PCDHGB6: variants seen among roughly 807,000 people sequenced by gnomAD.
The protein encoded by PCDHGB6 is protocadherin gamma-B6.
PCDHGB6 carries 51 observed loss-of-function variants against 59.1 expected under a neutral mutation model. That is an observed-to-expected ratio of 0.86 (90% CI 0.69 to 1.09). The LOEUF (loss-of-function observed/expected upper bound fraction) is 1.09, where lower values mean the gene tolerates loss of function less well. Among genes scored for constraint, PCDHGB6 ranks in the 50% least tolerant of loss-of-function variants. The pLI, the probability that PCDHGB6 is intolerant of heterozygous loss-of-function variation, is 0.00. For synonymous variants in PCDHGB6, 466 were observed against 495.1 expected (o/e 0.94, Z 0.78); for missense variants, 1,148 against 1,205.1 (o/e 0.95, Z 0.70).
At chr5:141,419,394 G>A (rs778450240) in intron 1 of PCDHGB6, 2 of 1,613,612 alleles carry the variant, frequency 1.2e-6, no homozygotes, top group East Asian at 2.2e-5. Flanking sequence ...GCGCAGAGCG[G>A]GGTGGTGTTC....
chr5:141,477,265 G>A lies in PCDHGB6; in HGVS notation c.2419-17542G>A. The A allele has an allele frequency of 6.2e-7, 1 of 1,614,198 alleles. No individual in the cohort carries two copies. Among genetic ancestry groups the A allele is most frequent in the African/African-American group, 1.3e-5 (1 of 75,048 alleles). On this transcript the variant is annotated intron_variant, in intron 1 of 3. Transcript: ENST00000520790. The surrounding 1 kb of genome is among the most constrained non-coding windows in gnomAD (Gnocchi z 4.9). ...GTGTGACTGACCTGGATGCTGGCGA[G>A]AACGGGCTGGTGACCTGCGAAGTTC...
Position 141,477,143 on chromosome 5 carries a change from G to A in PCDHGB6, c.2419-17664G>A. Reference sequence around the variant, plus strand: ...ACATTGCAAAGTGTTGGTGGAGGTTGTGGATGTGAATGACAACGCCCCGGA... The same window carrying A: ...ACATTGCAAAGTGTTGGTGGAGGTTATGGATGTGAATGACAACGCCCCGGA... On this transcript the variant is annotated intron_variant, in intron 1 of 3. Transcript: ENST00000520790. This position sits in a 1 kb window ranked among gnomAD's most constrained non-coding sequence, Gnocchi z 4.9. 6.2e-7 allele frequency: 1 copy of A among 1,614,198 alleles called. No individual in the cohort carries two copies. Among genetic ancestry groups the A allele is most frequent in the Non-Finnish European group, 8.5e-7 (1 of 1,180,036 alleles).
chr5:141,409,926 T>G lies in PCDHGB6; in HGVS notation c.1724T>G (p.Phe575Cys). The stretch of plus-strand genomic sequence containing the variant: ...CTGGGTCCTGACGGCTCCGCGTTCT[T>G]CGATATGGTACCTCGCTCTGCAGAG... ...PALGPDGSAFFDMVPRSAEPG... is the reference protein window; with the variant it reads ...PALGPDGSAFCDMVPRSAEPG... The change falls in exon 1 of 4, where the codon TTC (phenylalanine) becomes TGC (cysteine). Residue 575 changes from phenylalanine to cysteine, a missense_variant. This residue lies in a region of PCDHGB6 where 549 missense variants were observed against 527.5 expected (regional missense o/e 1.04). Transcript: ENST00000520790. The G allele has an allele frequency of 6.2e-7, 1 of 1,613,344 alleles. No homozygotes were observed. Among genetic ancestry groups the G allele is most frequent in the Non-Finnish European group, 8.5e-7 (1 of 1,179,784 alleles).
intron 3 of PCDHGB6, among the ~76,000 whole-genome samples, chr5:141,506,402 G>A (rs1032556978): frequency 2.8e-5 from 4 of 143,790 alleles, no homozygotes; most frequent in East Asian, 2.0e-4. Flanking sequence ...GCAGAAAATC[G>A]CACCACTGCA....
At chr5:141,419,114 A>G in intron 1 of PCDHGB6, 1 of 1,613,926 alleles carries the variant, frequency 6.2e-7, no homozygotes. Flanking sequence ...CCCAGAGTAC[A>G]ACGTCACCAT....
At chr5:141,455,159 G>GT (rs1390145608) in intron 1 of PCDHGB6, among the ~76,000 whole-genome samples, 2,419 of 144,948 alleles carry the variant, frequency 0.017, 50 homozygotes, top group African/African-American at 0.056. Context: ...TTAGTTTGTT[G>GT]GTTTTTTTTT....
At chr5:141,474,426 C>T (rs2099349464) in intron 1 of PCDHGB6, among the ~76,000 whole-genome samples, 1 of 152,198 alleles carries the variant, frequency 6.6e-6, no homozygotes, top group Non-Finnish European at 1.5e-5. Context: ...ACCATTGGTC[C>T]TCACACTTTG....
At position 141,476,409 on chromosome 5, in the gene PCDHGB6, G is replaced by A. The variant is rs1226666958; in HGVS notation, c.2419-18398G>A. The A allele has an allele frequency of 6.2e-7, 1 of 1,614,154 alleles. No homozygotes were observed. The highest frequency in any genetic ancestry group is 1.7e-5 in the Admixed American group (1 of 60,030). ...GACCGTCTGGATCGAGAGGAGCTGT[G>A]TGGGACACTGCCCTCTTGCACTGTA... is the stretch of plus-strand genomic sequence containing the variant. On this transcript the variant is annotated intron_variant, in intron 1 of 3. Coordinates refer to ENST00000520790, the MANE Select transcript of PCDHGB6 (RefSeq NM_018926.3). The surrounding 1 kb of genome is among the most constrained non-coding windows in gnomAD (Gnocchi z 7.6).
Position 141,432,484 on chromosome 5 carries a change from G to A in PCDHGB6, c.2418+21864G>A, listed in dbSNP as rs1164877592. On this transcript the variant is annotated intron_variant, in intron 1 of 3. Transcript: ENST00000520790. The surrounding 1 kb of genome is among the most constrained non-coding windows in gnomAD (Gnocchi z 6.0). ...TCCCCACGGACGGTTCCACTGGCGTGGAGCTGGCTCCCCGCTCCGCAGAGC... is the reference window on the plus strand; with the variant it reads ...TCCCCACGGACGGTTCCACTGGCGTAGAGCTGGCTCCCCGCTCCGCAGAGC... 8.7e-6 allele frequency: 14 copies of A among 1,614,196 alleles called. No individual in the cohort carries two copies. Among genetic ancestry groups the A allele is most frequent in the Non-Finnish European group, 1.2e-5 (14 of 1,180,046 alleles).
intron 1 of PCDHGB6, among the ~76,000 whole-genome samples, chr5:141,465,119 A>T (rs2099097382): frequency 6.6e-6 from 1 of 151,780 alleles, no homozygotes; most frequent in Non-Finnish European, 1.5e-5. Flanking sequence ...GTTTTAGCCT[A>T]AATTTGTAAA....
At chr5:141,484,478 A>G (rs2099596967) in intron 1 of PCDHGB6, among the ~76,000 whole-genome samples, 1 of 152,244 alleles carries the variant, frequency 6.6e-6, no homozygotes, top group Admixed American at 6.5e-5. Context: ...CTTTTCTGCA[A>G]AGAGATGGAT....
chr5:141,477,572 G>T lies in PCDHGB6; in HGVS notation c.2419-17235G>T, dbSNP rs375416133. The T allele has an allele frequency of 6.2e-7, 1 of 1,614,112 alleles. No homozygotes were observed. Among genetic ancestry groups the T allele is most frequent in the South Asian group, 1.1e-5 (1 of 91,072 alleles). ...AAACCTAAGTGTCTGGGACCCCGAC[G>T]CCCCGCAGAATGCTCGGCTTTCTTT... On this transcript the variant is annotated intron_variant, in intron 1 of 3. Transcript: ENST00000520790. The surrounding 1 kb of genome is among the most constrained non-coding windows in gnomAD (Gnocchi z 4.9).
chr5:141,485,882 G>C lies in PCDHGB6; in HGVS notation c.2419-8925G>C. 6.2e-7 allele frequency: 1 copy of C among 1,614,146 alleles called. No homozygotes were observed. On this transcript the variant is annotated intron_variant, in intron 1 of 3. Transcript: ENST00000520790. The surrounding 1 kb of genome is among the most constrained non-coding windows in gnomAD (Gnocchi z 5.7). ...CCGGGTATCCGTGCTGGACGTAAACGACAACGCCCCAGCCTTCCAGCAATC... is the reference window on the plus strand; with the variant it reads ...CCGGGTATCCGTGCTGGACGTAAACCACAACGCCCCAGCCTTCCAGCAATC...
At position 141,432,001 on chromosome 5, in the gene PCDHGB6, G is replaced by T. The variant is rs755338230; in HGVS notation, c.2418+21381G>T. On this transcript the variant is annotated intron_variant, in intron 1 of 3. Coordinates refer to ENST00000520790, the MANE Select transcript of PCDHGB6 (RefSeq NM_018926.3). This position sits in a 1 kb window ranked among gnomAD's most constrained non-coding sequence, Gnocchi z 6.0. Reference sequence around the variant, plus strand: ...CAGACATAGTCTTGGATAGGGAACAGGTTCCTAGCTACAACATCACAGTGA... The same window carrying T: ...CAGACATAGTCTTGGATAGGGAACATGTTCCTAGCTACAACATCACAGTGA... 4 of 1,614,220 alleles carry T rather than the reference G, an allele frequency of 2.5e-6. No homozygotes were observed. In the East Asian group the frequency reaches 8.9e-5, roughly 36 times the overall value.
At chr5:141,414,334 A>C in intron 1 of PCDHGB6, 1 of 1,613,782 alleles carries the variant, frequency 6.2e-7, no homozygotes, top group Non-Finnish European at 8.5e-7. Flanking sequence ...TGGACAGGTA[A>C]CCTGTTCCAT....
chr5:141,457,480 G>A lies in PCDHGB6; in HGVS notation c.2419-37327G>A, dbSNP rs566798464. ...GATTCACAGGAATAAGCAGGGCCAGGGTTAGTCTAAAATGTAGGCAAAAAG... is the reference window on the plus strand; with the variant it reads ...GATTCACAGGAATAAGCAGGGCCAGAGTTAGTCTAAAATGTAGGCAAAAAG... On this transcript the variant is annotated intron_variant, in intron 1 of 3. Transcript: ENST00000520790. 2.0e-5 allele frequency among the ~76,000 whole-genome samples: 3 copies of A among 152,266 alleles called. No individual in the cohort carries two copies. In the South Asian group the frequency reaches 6.2e-4, roughly 32 times the overall value.
chr5:141,415,477 CGAAA>C (rs764359660), intron 1 of PCDHGB6: 56 of 1,614,066 alleles, frequency 3.5e-5, no homozygotes, highest in Middle Eastern at 3.3e-4. Context: ...CGCGGACTCG[CGAAA>C]GAGTCACCTG....
chr5:141,511,055 A>ATG lies in PCDHGB6; in HGVS notation c.2677_2678dup (p.Tyr894SerfsTer10). 1 of 1,614,218 alleles carries ATG rather than the reference A, an allele frequency of 6.2e-7. No individual in the cohort carries two copies. The highest frequency in any genetic ancestry group is 8.5e-7 in the Non-Finnish European group (1 of 1,180,026). On this transcript the variant is annotated frameshift_variant, in exon 4 of 4. Coordinates refer to ENST00000520790, the MANE Select transcript of PCDHGB6 (RefSeq NM_018926.3). LOFTEE classifies it high-confidence loss of function. Reference sequence around the variant, plus strand: ...CAGCACGTGCCCGACTACCGCCAGAATGTCTACATCCCAGGCAGCAATGCC... The same window carrying ATG: ...CAGCACGTGCCCGACTACCGCCAGAATGTGTCTACATCCCAGGCAGCAATGCC...
In PCDHGB6 at chr5:141,486,435, A is replaced by G. The variant is rs2099629501; in HGVS notation, c.2419-8372A>G. The G allele has an allele frequency of 6.2e-7, 1 of 1,614,118 alleles. No homozygotes were observed. Among genetic ancestry groups the G allele is most frequent in the Non-Finnish European group, 8.5e-7 (1 of 1,179,960 alleles). ...TTGGATCGAGAGGCCAAATCTAGCT[A>G]TGACATCATGGTCACTGCTTCTGAT... is the stretch of plus-strand genomic sequence containing the variant. On this transcript the variant is annotated intron_variant, in intron 1 of 3. Coordinates refer to ENST00000520790, the MANE Select transcript of PCDHGB6 (RefSeq NM_018926.3). This position sits in a 1 kb window ranked among gnomAD's most constrained non-coding sequence, Gnocchi z 5.0.
Sources: allele counts gnomAD v4.1 joint callset (sites outside exome capture counted in the v4.1 genomes callset), GRCh38; gene constraint gnomAD v4.1.1; regional missense constraint gnomAD v4.1.1; non-coding constraint Gnocchi (gnomAD v3.1); transcripts MANE v1.5; gene names NCBI Gene and HGNC (gene_info 2026-07-23, HGNC 2026-07-21).